Variants in ODF2 observed in about 807,000 individuals in gnomAD.
ODF2 encodes the protein outer dense fiber of sperm tails 2.
ODF2 carries 47 observed loss-of-function variants against 110.2 expected under a neutral mutation model. That is an observed-to-expected ratio of 0.43 (90% CI 0.34 to 0.54). The LOEUF (loss-of-function observed/expected upper bound fraction) is 0.54, where lower values mean the gene tolerates loss of function less well. ODF2 is among the 20% of genes least tolerant of loss of function. The pLI, the probability that ODF2 is intolerant of heterozygous loss-of-function variation, is 0.03. For synonymous variants in ODF2, 352 were observed against 397.7 expected, an observed-to-expected ratio of 0.89 and a Z score of 1.37; for missense variants, 812 against 1,054.5, an observed-to-expected ratio of 0.77 and a Z score of 3.19.
intron 4 of ODF2, among the ~76,000 whole-genome samples, chr9:128,466,177 G>C (rs1173213618): frequency 1.4e-5 from 2 of 146,742 alleles, no homozygotes; most frequent in East Asian, 4.2e-4. Context: ...AAAACGAAAA[G>C]AGGACTGGCC....
chr9:128,470,048 A>ATATATATATATATATAT (rs1554829182), intron 5 of ODF2, among the ~76,000 whole-genome samples: 8 of 81,864 alleles, frequency 9.8e-5, no homozygotes, highest in Non-Finnish European at 1.2e-4. Flanking sequence ...TATATATATA[A>ATATATATATATATATAT]ATAAAAAAAT....
intron 4 of ODF2, among the ~76,000 whole-genome samples, chr9:128,466,454 G>A (rs1378081355): frequency 7.7e-5 from 8 of 104,524 alleles, no homozygotes; most frequent in Non-Finnish European, 1.5e-4. Flanking sequence ...TTGACAGAGT[G>A]AGACCCCATC....
intron 6 of ODF2, among the ~76,000 whole-genome samples, chr9:128,472,007 C>T (rs1169988419): frequency 1.3e-5 from 2 of 152,110 alleles, no homozygotes; most frequent in Non-Finnish European, 2.9e-5. Flanking sequence ...TTTGGCCGGG[C>T]GTGGTGGCTC....
At chr9:128,459,316 G>A (rs538797972) in intron 2 of ODF2, among the ~76,000 whole-genome samples, 1 of 152,178 alleles carries the variant, frequency 6.6e-6, no homozygotes, top group Admixed American at 6.5e-5. Flanking sequence ...TTTCAGCAAG[G>A]GTCATAATAC....
intron 1 of ODF2, chr9:128,456,748 C>T (rs1834915766): frequency 3.1e-6 from 3 of 968,396 alleles, no homozygotes; most frequent in Non-Finnish European, 2.4e-6. Context: ...TTGCCAGGGC[C>T]CTCGCCCGGC....
intron 10 of ODF2, 137 bp from the exon 11 acceptor site, chr9:128,483,801 G>A (rs889525731): frequency 8.6e-6 from 6 of 693,864 alleles, no homozygotes; most frequent in South Asian, 7.2e-5. Context: ...CGGGAGAATC[G>A]CTGGAGCCCA....
intron 3 of ODF2, 137 bp downstream of exon 2, chr9:128,459,794 T>G: frequency 1.6e-6 from 1 of 627,390 alleles, no homozygotes; most frequent in Admixed American, 3.0e-5. Context: ...TTATACATAC[T>G]CTGCTGATTT....
At chr9:128,474,334 A>C (rs925770640) in intron 8 of ODF2, among the ~76,000 whole-genome samples, 1 of 152,160 alleles carries the variant, frequency 6.6e-6, no homozygotes, top group African/African-American at 2.4e-5. Context: ...CTACTAAAAA[A>C]ATACAAAAAT....
chr9:128,457,222 G>A, exon 2 of ODF2: 1 of 1,578,254 alleles, frequency 6.3e-7, no homozygotes, highest in Non-Finnish European at 8.6e-7. Context: ...GACTTGGACA[G>A]TAGAGGAGCG....
At chr9:128,470,767 T>C (rs1839791859) in intron 5 of ODF2, among the ~76,000 whole-genome samples, 1 of 152,182 alleles carries the variant, frequency 6.6e-6, no homozygotes, top group African/African-American at 2.4e-5. Context: ...TGGGGCTCTC[T>C]GTACTGAGTT....
At chr9:128,463,128 G>C (rs1836935092) in intron 4 of ODF2, among the ~76,000 whole-genome samples, 1 of 152,006 alleles carries the variant, frequency 6.6e-6, no homozygotes, top group African/African-American at 2.4e-5. Context: ...TGGGTGTGGT[G>C]GCATGCGCTT....
At chr9:128,495,289 A>G (rs1249057597) in intron 17 of ODF2, among the ~76,000 whole-genome samples, 1 of 152,236 alleles carries the variant, frequency 6.6e-6, no homozygotes, top group African/African-American at 2.4e-5. Context: ...GTGTTCCTGC[A>G]TTCTCTCATT....
At chr9:128,456,196 G>A (rs975437346) in exon 1 of ODF2, 5 of 1,548,348 alleles carry the variant, frequency 3.2e-6, no homozygotes, top group Non-Finnish European at 4.4e-6. Flanking sequence ...GCACGACCCT[G>A]GCCTCCGACT....
intron 4 of ODF2, among the ~76,000 whole-genome samples, chr9:128,467,616 G>T (rs1263534002): frequency 6.6e-6 from 1 of 151,762 alleles, no homozygotes; most frequent in African/African-American, 2.4e-5. Flanking sequence ...ATGGTGGTAG[G>T]TGCCTGTTAT....
chr9:128,462,985 G>T (rs571093793), intron 4 of ODF2, among the ~76,000 whole-genome samples: 59 of 152,268 alleles, frequency 3.9e-4, no homozygotes, highest in African/African-American at 1.4e-3. Flanking sequence ...ATCTGGCTGG[G>T]CGTGGTGGGC....
rs1005791788 is a variant in ODF2, at chr9:128,474,157, G to A, written c.843+416G>A. ...GTGGATCACTTGAGGTCAGGAGTTC[G>A]AGAACAGCCTGGCCAACATAGTGAA... On this transcript the variant is annotated intron_variant, in intron 8 of 20. Transcript: ENST00000604420. Among the ~76,000 whole-genome samples the A allele has an allele frequency of 2.6e-5, 4 of 152,086 alleles. 1 individual carries two copies. Among genetic ancestry groups the A allele is most frequent in the East Asian group, 1.9e-4 (1 of 5,192 alleles).
intron 8 of ODF2, among the ~76,000 whole-genome samples, chr9:128,475,028 G>A (rs1840962958): frequency 6.6e-6 from 1 of 151,968 alleles, no homozygotes; most frequent in African/African-American, 2.4e-5. Context: ...CTGTATCTGT[G>A]GGTTCTGCAT....
chr9:128,482,562 A>AT (rs1200737376), intron 9 of ODF2, among the ~76,000 whole-genome samples: 4 of 151,646 alleles, frequency 2.6e-5, no homozygotes, highest in African/African-American at 9.7e-5. Context: ...TCTTTGGAGG[A>AT]TTTTTTTGGT....
chr9:128,484,955 C>T, intron 12 of ODF2, 69 bp downstream of exon 12: 1 of 1,459,166 alleles, frequency 6.9e-7, no homozygotes, highest in South Asian at 1.2e-5. Context: ...GAGGGGTGGT[C>T]AGCCAGATGG....
Sources: allele counts gnomAD v4.1 joint callset (sites outside exome capture counted in the v4.1 genomes callset), GRCh38; gene constraint gnomAD v4.1.1; transcripts MANE v1.5; gene names NCBI Gene and HGNC (gene_info 2026-07-23, HGNC 2026-07-21).